The following PCDHA10 variants were observed in gnomAD, a reference collection of about 807,000 sequenced individuals.
The protein encoded by PCDHA10 is protocadherin alpha-10.
In PCDHA10, 45 loss-of-function variants were observed where a neutral mutation model predicts 61.2. That is an observed-to-expected ratio of 0.74 (90% confidence interval 0.58 to 0.94). PCDHA10 has a LOEUF of 0.94. Ranked by LOEUF, PCDHA10 falls within the 40% of genes least tolerant of loss-of-function variation. The pLI, the probability that PCDHA10 is intolerant of heterozygous loss-of-function variation, is 0.00. For missense variants in PCDHA10, 1,278 were observed against 1,236.2 expected, an observed-to-expected ratio of 1.03 and a Z score of -0.51; for synonymous variants, 602 against 548.8, an observed-to-expected ratio of 1.10 and a Z score of -1.35.
intron 1 of PCDHA10, chr5:140,927,936 A>G: frequency 6.2e-7 from 1 of 1,614,246 alleles, no homozygotes; most frequent in East Asian, 2.2e-5. Context: ...TTTCGAACCC[A>G]GTACCTGAGG....
intron 1 of PCDHA10, among the ~76,000 whole-genome samples, chr5:140,885,862 T>C (rs2060742623): frequency 6.6e-6 from 1 of 152,182 alleles, no homozygotes; most frequent in African/African-American, 2.4e-5. Flanking sequence ...TACTTTTCTA[T>C]TGAAAAAAAA....
intron 1 of PCDHA10, chr5:140,969,111 G>A (rs1554231464): frequency 4.3e-6 from 7 of 1,614,116 alleles, no homozygotes; most frequent in Non-Finnish European, 5.9e-6. Flanking sequence ...ATTGAAGTTC[G>A]AGGGAATGGC....
chr5:140,870,527 C>T, intron 1 of PCDHA10: 1 of 1,614,236 alleles, frequency 6.2e-7, no homozygotes, highest in Non-Finnish European at 8.5e-7. Context: ...CACATCTTCA[C>T]AGTGTCGGCG....
chr5:140,985,111 G>A (rs1252708098), intron 3 of PCDHA10, among the ~76,000 whole-genome samples: 2 of 151,892 alleles, frequency 1.3e-5, no homozygotes, highest in African/African-American at 2.4e-5. Context: ...CTAATTTTTT[G>A]TGTTTTTAGT....
At chr5:140,863,216 C>T (rs781920741) in intron 1 of PCDHA10, 10 of 1,084,230 alleles carry the variant, frequency 9.2e-6, no homozygotes, top group African/African-American at 3.2e-5. Flanking sequence ...AGCAGCCAAG[C>T]GAGGAAGGTC....
intron 1 of PCDHA10, among the ~76,000 whole-genome samples, chr5:140,941,192 TTTCTTTCTTCC>T (rs1330855559): frequency 1.0e-5 from 1 of 99,660 alleles, no homozygotes; most frequent in Non-Finnish European, 2.1e-5. Flanking sequence ...CTTCTTTTTT[TTTCTTTCTTCC>T]TTTCTTTCTT....
rs782354452 is a variant in PCDHA10, at chr5:140,966,783, C to G, written c.2389-12166C>G. 28 of 1,520,948 alleles carry G rather than the reference C, an allele frequency of 1.8e-5. No homozygotes were observed. The highest frequency in any genetic ancestry group is 2.1e-4 in the Middle Eastern group (1 of 4,706). The allele number at this position is 1,520,948 out of a possible 1,614,324, so 94.2% of individuals were successfully genotyped here. On this transcript the variant is annotated intron_variant, in intron 1 of 3. Transcript: ENST00000307360. ...CCAGTGGCTATGGAGCAGGCGGGCA[C>G]CAGACCTGCGGCGACAGAGCATCCA...
Position 141,010,190 on chromosome 5 carries a change from C to G in PCDHA10, c.*253C>G. On this transcript the variant is annotated 3_prime_UTR_variant, in exon 4 of 4. Transcript: ENST00000307360. ...GAACCTAAAAAGCAGACCCAAGTTT[C>G]CTTTCTCCTCCGCCGCAAAGGAGAG... 1 of 1,552,504 alleles carries G rather than the reference C, an allele frequency of 6.4e-7. No individual in the cohort carries two copies. Among genetic ancestry groups the G allele is most frequent in the East Asian group, 2.4e-5 (1 of 40,930 alleles).
intron 1 of PCDHA10, among the ~76,000 whole-genome samples, chr5:140,974,327 G>A (rs2096622889): frequency 6.6e-6 from 1 of 152,194 alleles, no homozygotes; most frequent in African/African-American, 2.4e-5. Context: ...TAGCTGCTGT[G>A]CTAGCAGGCT....
intron 1 of PCDHA10, among the ~76,000 whole-genome samples, chr5:140,940,805 A>G (rs957278090): frequency 6.6e-6 from 1 of 152,202 alleles, no homozygotes. Context: ...ATTTGCCAGG[A>G]TATCCTGAGA....
intron 1 of PCDHA10, among the ~76,000 whole-genome samples, chr5:140,935,971 C>A (rs1563151362): frequency 6.7e-6 from 1 of 149,774 alleles, no homozygotes; most frequent in African/African-American, 2.5e-5. Context: ...TGGCTCACTG[C>A]AATCTCTGCC....
chr5:140,966,820 G>A, intron 1 of PCDHA10: 1 of 1,557,392 alleles, frequency 6.4e-7, no homozygotes, highest in Non-Finnish European at 8.7e-7. Context: ...GGCTCCGGCG[G>A]CCCATGCCCT....
At chr5:141,007,716 G>A (rs887681362) in intron 3 of PCDHA10, among the ~76,000 whole-genome samples, 4 of 152,246 alleles carry the variant, frequency 2.6e-5, no homozygotes, top group African/African-American at 4.8e-5. Context: ...CCCACCACCA[G>A]GGAGAACAAA....
chr5:140,991,981 T>C (rs2097483028), intron 3 of PCDHA10, among the ~76,000 whole-genome samples: 1 of 152,008 alleles, frequency 6.6e-6, no homozygotes, highest in South Asian at 2.1e-4. Flanking sequence ...TTATTCTGCC[T>C]ACCACCCGGT....
At chr5:140,905,211 G>T (rs1554191947) in intron 1 of PCDHA10, among the ~76,000 whole-genome samples, 1 of 152,130 alleles carries the variant, frequency 6.6e-6, no homozygotes, top group South Asian at 2.1e-4. Context: ...GTTGATTTTT[G>T]TGTAAGGTGA....
In PCDHA10 at chr5:140,917,330, A is replaced by T. The variant is rs155802; in HGVS notation, c.2388+58894A>T. On this transcript the variant is annotated intron_variant, in intron 1 of 3. Coordinates refer to ENST00000307360, the MANE Select transcript of PCDHA10 (RefSeq NM_018901.4). The stretch of plus-strand genomic sequence containing the variant: ...CAATTTGGTGTTCATGTGGCGGGGG[A>T]GGGGGGGGATGGTGTAGGCTTCTGT... Among the ~76,000 whole-genome samples, 56 of 103,230 alleles carry T rather than the reference A, an allele frequency of 5.4e-4. 2 individuals are homozygous for T. In the South Asian group the frequency reaches 0.01, roughly 19 times the overall value. The allele number at this position is 103,230 out of a possible 152,430, so 67.7% of individuals were successfully genotyped here.
At position 140,898,329 on chromosome 5, in the gene PCDHA10, C is replaced by T. The variant is rs13158044; in HGVS notation, c.2388+39893C>T. Among the ~76,000 whole-genome samples the T allele has an allele frequency of 3.9e-5, 6 of 152,232 alleles. No homozygotes were observed. The East Asian group carries it at 7.7e-4, about 20-fold the overall frequency. On this transcript the variant is annotated intron_variant, in intron 1 of 3. Transcript: ENST00000307360. ...AGGGTTTTTATGGTTTTGGGTCTAA[C>T]GTTTAAGTCTTTAATCCATCTTGAA...
At chr5:140,920,828 G>A (rs1482219421) in intron 1 of PCDHA10, among the ~76,000 whole-genome samples, 4 of 147,976 alleles carry the variant, frequency 2.7e-5, no homozygotes, top group African/African-American at 1.0e-4. Context: ...TGGCGACGGA[G>A]CAAGACCAAA....
At chr5:140,904,154 C>T (rs1163595423) in intron 1 of PCDHA10, among the ~76,000 whole-genome samples, 1 of 152,060 alleles carries the variant, frequency 6.6e-6, no homozygotes, top group Non-Finnish European at 1.5e-5. Flanking sequence ...ACATTGCACC[C>T]AGTTTGTAGT....
Sources: allele counts gnomAD v4.1 joint callset (sites outside exome capture counted in the v4.1 genomes callset), GRCh38; gene constraint gnomAD v4.1.1; transcripts MANE v1.5; gene names NCBI Gene and HGNC (gene_info 2026-07-23, HGNC 2026-07-21).